Variants in MANBAL observed in about 807,000 individuals in gnomAD.
MANBAL encodes protein MANBAL.
MANBAL carries 1 observed loss-of-function variant against 6.4 expected under a neutral mutation model. The observed-to-expected ratio is 0.16, with a 90% confidence interval of 0.06 to 0.74. The LOEUF is 0.74. Ranked by LOEUF, MANBAL falls within the 30% of genes least tolerant of loss-of-function variation. The pLI, the probability that MANBAL is intolerant of heterozygous loss-of-function variation, is 0.78. For missense variants in MANBAL, 100 were observed against 107.8 expected (o/e 0.93, Z 0.32); for synonymous variants, 47 against 45.8 (o/e 1.03, Z -0.10).
At position 37,301,119 on chromosome 20, in the gene MANBAL, G is replaced by C. The variant is rs1053452233; in HGVS notation, c.-56-89G>C. ...CCATTGCACTCCAGCCTGGGCGACA[G>C]AGTGAGACTCCATCTCATAAATAAA... is the stretch of plus-strand genomic sequence containing the variant. On this transcript the variant is annotated intron_variant, in intron 1 of 2. Transcript: ENST00000373606. 5 of 803,348 alleles carry C rather than the reference G, an allele frequency of 6.2e-6. No homozygotes were observed. In the South Asian group the frequency reaches 2.1e-4, roughly 33 times the overall value. The allele number at this position is 803,348 out of a possible 1,614,324, so 49.8% of individuals were successfully genotyped here. A position where few individuals can be genotyped will look rare whatever the true frequency, so the allele number is the denominator to read the frequency against.
intron 2 of MANBAL, among the ~76,000 whole-genome samples, chr20:37,305,461 C>T (rs182857353): frequency 2.6e-5 from 4 of 152,156 alleles, no homozygotes; most frequent in Admixed American, 6.5e-5. Context: ...TGGGATAGTG[C>T]GTTAAAGTCT....
At chr20:37,295,526 A>C (rs1045529174) in intron 1 of MANBAL, among the ~76,000 whole-genome samples, 5 of 152,118 alleles carry the variant, frequency 3.3e-5, no homozygotes, top group African/African-American at 1.2e-4. Context: ...CAGCCCCCTA[A>C]ATGGTTTTCC....
chr20:37,305,688 T>C, intron 2 of MANBAL, among the ~76,000 whole-genome samples: 1 of 152,026 alleles, frequency 6.6e-6, no homozygotes, highest in Non-Finnish European at 1.5e-5. Flanking sequence ...ACTTTTTTTT[T>C]TTTTTTTTAG....
At chr20:37,301,844 G>A (rs2069143988) in intron 2 of MANBAL, among the ~76,000 whole-genome samples, 1 of 152,246 alleles carries the variant, frequency 6.6e-6, no homozygotes, top group African/African-American at 2.4e-5. Context: ...GAATGAGCAG[G>A]CTTCTGCCAG....
intron 1 of MANBAL, among the ~76,000 whole-genome samples, chr20:37,294,600 C>G (rs936202094): frequency 6.6e-6 from 1 of 152,252 alleles, no homozygotes; most frequent in Non-Finnish European, 1.5e-5. Context: ...TGCCGTCCCT[C>G]CATCCTGGGA....
At chr20:37,290,908 C>T (rs1359226829) in intron 1 of MANBAL, among the ~76,000 whole-genome samples, 1 of 152,248 alleles carries the variant, frequency 6.6e-6, no homozygotes, top group Non-Finnish European at 1.5e-5. Context: ...CTGTGCCTGG[C>T]CTAAAACAGT....
chr20:37,309,676 C>A lies in MANBAL; in HGVS notation c.151-6632C>A, dbSNP rs8126416. ...TGGTGAGCCACCTGCACCTACTGCA[C>A]CACAGGTGGCTCATTCCTGTGGTGC... is the stretch of plus-strand genomic sequence containing the variant. On this transcript the variant is annotated intron_variant, in intron 2 of 2. Transcript: ENST00000373606. Among the ~76,000 whole-genome samples the A allele has an allele frequency of 2.4e-3, 358 of 152,266 alleles. 3 individuals are homozygous for A. The highest frequency in any genetic ancestry group is 8.3e-3 in the African/African-American group (344 of 41,544).
chr20:37,305,800 T>C (rs2069245800), intron 2 of MANBAL, among the ~76,000 whole-genome samples: 1 of 151,920 alleles, frequency 6.6e-6, no homozygotes, highest in Admixed American at 6.6e-5. Flanking sequence ...GGGGGTTCTG[T>C]CGCTAGCTCT....
At chr20:37,295,123 G>A (rs964864650) in intron 1 of MANBAL, among the ~76,000 whole-genome samples, 3 of 152,276 alleles carry the variant, frequency 2.0e-5, no homozygotes, top group Non-Finnish European at 2.9e-5. Flanking sequence ...GGGAAACCTC[G>A]TGGCCTCTCA....
chr20:37,293,436 C>G (rs969222199), intron 1 of MANBAL, among the ~76,000 whole-genome samples: 2 of 152,124 alleles, frequency 1.3e-5, no homozygotes, highest in African/African-American at 2.4e-5. Flanking sequence ...CTAATGCAGC[C>G]GCTGATCTGA....
At chr20:37,303,643 G>A (rs967836470) in intron 2 of MANBAL, among the ~76,000 whole-genome samples, 1 of 152,218 alleles carries the variant, frequency 6.6e-6, no homozygotes, top group Admixed American at 6.5e-5. Flanking sequence ...AGGATACCAG[G>A]TATGGCGGCA....
Position 37,316,604 on chromosome 20 carries a change from C to T in MANBAL, c.*189C>T, listed in dbSNP as rs1372292881. 2 of 499,586 alleles carry T rather than the reference C, an allele frequency of 4.0e-6. No individual in the cohort carries two copies. The highest frequency in any genetic ancestry group is 7.3e-6 in the Non-Finnish European group (2 of 274,014). 30.9% of individuals were successfully genotyped at this position (499,586 alleles called of 1,614,324 possible). On this transcript the variant is annotated 3_prime_UTR_variant, in exon 3 of 3. Transcript: ENST00000373606. ...GCTGGGCAATCCACCACTTCCTCTTCCTTCTGCTTCTGTGACGGTTTAGAG... is the reference window on the plus strand; with the variant it reads ...GCTGGGCAATCCACCACTTCCTCTTTCTTCTGCTTCTGTGACGGTTTAGAG...
chr20:37,316,142 A>G (rs1436590277), intron 2 of MANBAL, among the ~76,000 whole-genome samples, 166 bp from the exon 3 acceptor site: 1 of 152,310 alleles, frequency 6.6e-6, no homozygotes, highest in East Asian at 1.9e-4. Context: ...GAGAGCCACG[A>G]TGCTCCGGGG....
chr20:37,313,441 AC>A (rs1219768945), intron 2 of MANBAL, among the ~76,000 whole-genome samples: 1 of 151,610 alleles, frequency 6.6e-6, no homozygotes, highest in East Asian at 1.9e-4. Flanking sequence ...GCAGTGGCTC[AC>A]GCCTGTAATC....
rs1237405461 is a variant in MANBAL, at chr20:37,316,710, T to A, written c.*295T>A. The stretch of plus-strand genomic sequence containing the variant: ...CGGGTCAGCTCACAGAGTCACATTT[T>A]CTTGCTTAGTCATGTGTCCCTCCTT... On this transcript the variant is annotated 3_prime_UTR_variant, in exon 3 of 3. Transcript: ENST00000373606. 4.1e-6 allele frequency: 1 copy of A among 242,922 alleles called. No individual in the cohort carries two copies. The highest frequency in any genetic ancestry group is 8.0e-6 in the Non-Finnish European group (1 of 124,558). The allele number at this position is 242,922 out of a possible 1,614,324, so 15.0% of individuals were successfully genotyped here.
intron 1 of MANBAL, among the ~76,000 whole-genome samples, chr20:37,292,536 G>T (rs1484777435): frequency 3.9e-5 from 6 of 152,138 alleles, no homozygotes; most frequent in Admixed American, 3.9e-4. Context: ...TTGACCTCAG[G>T]TGATCCACCT....
chr20:37,306,096 A>AGT (rs995805432), intron 2 of MANBAL, among the ~76,000 whole-genome samples: 25 of 152,126 alleles, frequency 1.6e-4, no homozygotes, highest in Admixed American at 7.9e-4. Flanking sequence ...GATACCTGGA[A>AGT]GTGGAGGGTG....
At position 37,316,421 on chromosome 20, in the gene MANBAL, G is replaced by A; in HGVS notation, c.*6G>A. The A allele has an allele frequency of 6.2e-7, 1 of 1,610,988 alleles. No homozygotes were observed. Among genetic ancestry groups the A allele is most frequent in the Non-Finnish European group, 8.5e-7 (1 of 1,178,270 alleles). On this transcript the variant is annotated 3_prime_UTR_variant, in exon 3 of 3. Transcript: ENST00000373606. ...AGACTAAGAAGAAGCGGTAGAAGAG[G>A]AGGCCTGAGGAGCTGGGCGGGCAGG...
chr20:37,311,906 C>G (rs899776806), intron 2 of MANBAL, among the ~76,000 whole-genome samples: 3 of 152,174 alleles, frequency 2.0e-5, no homozygotes, highest in Non-Finnish European at 4.4e-5. Context: ...CCAGTGGGGC[C>G]GGCAGGGGAC....
Sources: gnomAD v4.1 joint callset for allele counts (sites outside exome capture counted in the v4.1 genomes callset) on GRCh38, gnomAD v4.1.1 for gene constraint, MANE v1.5 for transcripts, NCBI Gene and HGNC (gene_info 2026-07-23, HGNC 2026-07-21) for gene names.